The following ATP1A1 variants were observed in gnomAD, a reference collection of about 807,000 sequenced individuals.
The protein encoded by ATP1A1 is ATPase Na+/K+ transporting subunit alpha 1, also known as sodium/potassium-transporting ATPase subunit alpha-1.
A neutral mutation model predicts 114.8 loss-of-function variants in ATP1A1; 14 were observed. The ratio of observed to expected loss-of-function variants is 0.12; its 90% CI spans 0.08 to 0.19. The LOEUF is 0.19. ATP1A1 is among the 10% of genes least tolerant of loss of function. The pLI is 1.00. For missense variants in ATP1A1, 524 were observed against 1,290.7 expected (o/e 0.41, Z 9.10); for synonymous variants, 471 against 466.3 (o/e 1.01, Z -0.13).
rs778404664 is a variant in ATP1A1 at position 116,388,336 on chromosome 1, A to G, written c.501+92A>G. On this transcript the variant is annotated intron_variant, in intron 5 of 22. Coordinates refer to ENST00000295598, the MANE Select transcript of ATP1A1 (RefSeq NM_000701.8). The surrounding 1 kb of genome is among the most constrained non-coding windows in gnomAD (Gnocchi z 5.6). Reference sequence around the variant, plus strand: ...AGTGTGAAGTTAAGGTTTTCCAAGTATTACATGACTCATCAGAGAGATGGA... The same window carrying G: ...AGTGTGAAGTTAAGGTTTTCCAAGTGTTACATGACTCATCAGAGAGATGGA... 11 of 1,140,518 alleles carry G rather than the reference A, an allele frequency of 9.6e-6. No homozygotes were observed. The Admixed American group carries it at 2.2e-4, about 23-fold the overall frequency. The allele number at this position is 1,140,518 out of a possible 1,614,324, so 70.6% of individuals were successfully genotyped here.
Position 116,398,192 on chromosome 1 carries a change from G to A in ATP1A1, c.2124+154G>A, listed in dbSNP as rs972177024. The stretch of plus-strand genomic sequence containing the variant: ...AGTAGGAAGCTCATAGGCATAGAGA[G>A]GGTGACTTGTTAATGGTTTAGCAGT... On this transcript the variant is annotated intron_variant, in intron 15 of 22. Coordinates refer to ENST00000295598, the MANE Select transcript of ATP1A1 (RefSeq NM_000701.8). This position sits in a 1 kb window ranked among gnomAD's most constrained non-coding sequence, Gnocchi z 6.1. 3.3e-5 allele frequency among the ~76,000 whole-genome samples: 5 copies of A among 152,200 alleles called. No homozygotes were observed. The highest frequency in any genetic ancestry group is 1.2e-4 in the African/African-American group (5 of 41,446).
chr1:116,389,841 C>A lies in ATP1A1; in HGVS notation c.1023+134C>A. On this transcript the variant is annotated intron_variant, in intron 8 of 22. Coordinates refer to ENST00000295598, the MANE Select transcript of ATP1A1 (RefSeq NM_000701.8). This position sits in a 1 kb window ranked among gnomAD's most constrained non-coding sequence, Gnocchi z 6.9. ...TTGATATAGTTCTTCTTGAGAGCCA[C>A]ATCACGTGGTGAATTTTGACAGTGA... The A allele has an allele frequency of 1.5e-6, 2 of 1,291,802 alleles. No individual in the cohort carries two copies. Among genetic ancestry groups the A allele is most frequent in the Non-Finnish European group, 2.1e-6 (2 of 956,650 alleles). The allele number at this position is 1,291,802 out of a possible 1,614,324, so 80.0% of individuals were successfully genotyped here.
At position 116,404,271 on chromosome 1, in the gene ATP1A1, A is replaced by G; in HGVS notation, c.3044-145A>G. On this transcript the variant is annotated intron_variant, in intron 22 of 22. Coordinates refer to ENST00000295598, the MANE Select transcript of ATP1A1 (RefSeq NM_000701.8). The surrounding 1 kb of genome is among the most constrained non-coding windows in gnomAD (Gnocchi z 4.8). ...TGGTATTCCTAAAAACATGTAAATA[A>G]GTACAGTTGAGGTCCCATGTTTGGA... 1 of 984,346 alleles carries G rather than the reference A, an allele frequency of 1.0e-6. No homozygotes were observed. The highest frequency in any genetic ancestry group is 1.6e-6 in the Non-Finnish European group (1 of 642,782). The allele number at this position is 984,346 out of a possible 1,614,324, so 61.0% of individuals were successfully genotyped here. A position where few individuals can be genotyped will look rare whatever the true frequency, so the allele number is the denominator to read the frequency against.
chr1:116,389,113 C>T lies in ATP1A1; in HGVS notation c.754+94C>T. 1 of 1,209,514 alleles carries T rather than the reference C, an allele frequency of 8.3e-7. No homozygotes were observed. The highest frequency in any genetic ancestry group is 2.3e-5 in the East Asian group (1 of 43,012). 74.9% of individuals were successfully genotyped at this position (1,209,514 alleles called of 1,614,324 possible). ...TAGGCACAATCTCTTGTTTTATTGG[C>T]TCCATTTCTGAGAACTTGTGTCAAG... On this transcript the variant is annotated intron_variant, in intron 7 of 22. Transcript: ENST00000295598. This position sits in a 1 kb window ranked among gnomAD's most constrained non-coding sequence, Gnocchi z 6.9.
Position 116,398,935 on chromosome 1 carries a change from C to T in ATP1A1, c.2299C>T (p.Leu767=), listed in dbSNP as rs751282376. 6.2e-7 allele frequency: 1 copy of T among 1,614,070 alleles called. No individual in the cohort carries two copies. Among genetic ancestry groups the T allele is most frequent in the African/African-American group, 1.3e-5 (1 of 74,930 alleles). Residue 767 remains leucine, a synonymous_variant, in exon 17 of 23, where the codon CTG becomes TTG. Transcript: ENST00000295598. This position sits in a 1 kb window ranked among gnomAD's most constrained non-coding sequence, Gnocchi z 6.1. ...AAAAATCTTGGTTTTCATAGGTCGT[C>T]TGATCTTTGATAACTTGAAGAAATC... ...SIVTGVEEGR[L]IFDNLKKSIA...
rs1652812123 is a variant in ATP1A1, at chr1:116,395,258, G to A, written c.1809G>A (p.Val603=). 1 of 1,613,912 alleles carries A rather than the reference G, an allele frequency of 6.2e-7. No homozygotes were observed. ...CACGGGCGGCCGTTCCTGATGCCGT[G>A]GGCAAATGTCGAAGTGCTGGAATTA... ...DPPRAAVPDA[V]GKCRSAGIKV... The change falls in exon 13 of 23, where the codon GTG becomes GTA. Residue 603 remains valine, a synonymous_variant. Coordinates refer to ENST00000295598, the MANE Select transcript of ATP1A1 (RefSeq NM_000701.8). The surrounding 1 kb of genome is among the most constrained non-coding windows in gnomAD (Gnocchi z 6.4).
chr1:116,397,295 AGCTCT>A lies in ATP1A1; in HGVS notation c.1973+564_1973+568del, dbSNP rs142668920. Reference sequence around the variant, plus strand: ...TTAGAGGAGGGTTTGGTCTTGTATCAGCTCTGCCACTTTCTAAAACTTGGTTATAT... The same window carrying A: ...TTAGAGGAGGGTTTGGTCTTGTATCAGCCACTTTCTAAAACTTGGTTATAT... On this transcript the variant is annotated intron_variant, in intron 14 of 22. Coordinates refer to ENST00000295598, the MANE Select transcript of ATP1A1 (RefSeq NM_000701.8). This position sits in a 1 kb window ranked among gnomAD's most constrained non-coding sequence, Gnocchi z 4.2. Among the ~76,000 whole-genome samples, 202 of 152,288 alleles carry A rather than the reference AGCTCT, an allele frequency of 1.3e-3. 1 individual carries two copies. Among genetic ancestry groups the A allele is most frequent in the South Asian group, 4.2e-3 (20 of 4,818 alleles).
chr1:116,390,483 C>A, intron 9 of ATP1A1, 72 bp downstream of exon 9: 3 of 1,377,036 alleles, frequency 2.2e-6, no homozygotes, highest in Non-Finnish European at 3.0e-6. Context: ...TAAGAAATTG[C>A]ATGAAATTTC....
At position 116,397,763 on chromosome 1, in the gene ATP1A1, T is replaced by C; in HGVS notation, c.1974-125T>C. The C allele has an allele frequency of 1.6e-6, 2 of 1,220,122 alleles. No homozygotes were observed. Among genetic ancestry groups the C allele is most frequent in the Non-Finnish European group, 2.3e-6 (2 of 880,240 alleles). The allele number at this position is 1,220,122 out of a possible 1,614,324, so 75.6% of individuals were successfully genotyped here. The stretch of plus-strand genomic sequence containing the variant: ...TGAACACTTAATAGCTTTTATGTGC[T>C]GGGGAAAATTCCTTCTTTGTTTTGT... On this transcript the variant is annotated intron_variant, in intron 14 of 22. Transcript: ENST00000295598. This position sits in a 1 kb window ranked among gnomAD's most constrained non-coding sequence, Gnocchi z 4.2.
chr1:116,392,883 A>G lies in ATP1A1; in HGVS notation c.1362A>G (p.Ser454=), dbSNP rs755045434. ...CAGTTGCAGGAGATGCCTCTGAGTCAGCACTCTTAAAGTGCATAGAGCTGT... is the reference window on the plus strand; with the variant it reads ...CAGTTGCAGGAGATGCCTCTGAGTCGGCACTCTTAAAGTGCATAGAGCTGT... The part of the protein sequence containing the change: ...KRAVAGDASE[S]ALLKCIELCC... Residue 454 remains serine (S), a synonymous_variant, in exon 11 of 23, where the codon TCA becomes TCG. Coordinates refer to ENST00000295598, the MANE Select transcript of ATP1A1 (RefSeq NM_000701.8). The G allele has an allele frequency of 8.7e-6, 14 of 1,613,772 alleles. No homozygotes were observed. In the East Asian group the frequency reaches 3.1e-4, roughly 36 times the overall value.
Position 116,398,856 on chromosome 1 carries a change from A to G in ATP1A1, c.2293+67A>G. On this transcript the variant is annotated intron_variant, in intron 16 of 22. Coordinates refer to ENST00000295598, the MANE Select transcript of ATP1A1 (RefSeq NM_000701.8). This position sits in a 1 kb window ranked among gnomAD's most constrained non-coding sequence, Gnocchi z 6.1. ...ACTGCCCATTAGCATCCATTTCTGT[A>G]TACTTCTTGGATATGTTCAGTTTCC... 1 of 1,609,844 alleles carries G rather than the reference A, an allele frequency of 6.2e-7. No homozygotes were observed. The highest frequency in any genetic ancestry group is 8.5e-7 in the Non-Finnish European group (1 of 1,176,754).
In ATP1A1 at chr1:116,381,687, G is replaced by T. The variant is rs555597022; in HGVS notation, c.13-2327G>T. On this transcript the variant is annotated intron_variant, in intron 1 of 22. Transcript: ENST00000295598. The surrounding 1 kb of genome is among the most constrained non-coding windows in gnomAD (Gnocchi z 5.1). ...CAAGACATTTATTTTGTAAGTGGGG[G>T]TAAAACTTTGGAACGTGTTCAAAGC... is the stretch of plus-strand genomic sequence containing the variant. Among the ~76,000 whole-genome samples the T allele has an allele frequency of 1.3e-5, 2 of 152,280 alleles. No homozygotes were observed. Among genetic ancestry groups the T allele is most frequent in the East Asian group, 3.9e-4 (2 of 5,186 alleles).
In ATP1A1 at chr1:116,373,334, A is replaced by G. The variant is rs1242705597; in HGVS notation, c.-178A>G. The stretch of plus-strand genomic sequence containing the variant: ...TAGCAGCCCGGGCGGCGGCAGCAAC[A>G]GCGGCGGCGGCATCGGCCCGAGCCG... On this transcript the variant is annotated 5_prime_UTR_variant, in exon 1 of 23. Coordinates refer to ENST00000295598, the MANE Select transcript of ATP1A1 (RefSeq NM_000701.8). 1.9e-6 allele frequency: 1 copy of G among 534,590 alleles called. No homozygotes were observed. The highest frequency in any genetic ancestry group is 3.0e-6 in the Non-Finnish European group (1 of 337,926). 33.1% of individuals were successfully genotyped at this position (534,590 alleles called of 1,614,324 possible). A position where few individuals can be genotyped will look rare whatever the true frequency, so the allele number is the denominator to read the frequency against.
At chr1:116,390,587 T>C (rs1652388063) in intron 9 of ATP1A1, among the ~76,000 whole-genome samples, 176 bp downstream of exon 9, 1 of 151,764 alleles carries the variant, frequency 6.6e-6, no homozygotes, top group South Asian at 2.1e-4. Flanking sequence ...GGGATATTGA[T>C]TTTTTGCATG....
Position 116,389,519 on chromosome 1 carries a change from G to A in ATP1A1, c.835G>A (p.Gly279Arg). The change falls in exon 8 of 23, where the codon GGA (glycine) becomes AGA (arginine). Residue 279 changes from glycine to arginine, a missense_variant. Physicochemically the swap from Gly to Arg is moderately radical, Grantham distance 125. Around this residue, in one of 8 missense-constraint regions of ATP1A1, gnomAD observed 141 missense variants for 316.6 expected, o/e 0.45. Coordinates refer to ENST00000295598, the MANE Select transcript of ATP1A1 (RefSeq NM_000701.8). The surrounding 1 kb of genome is among the most constrained non-coding windows in gnomAD (Gnocchi z 6.9). ...TGCCACACTTGCTTCTGGGCTGGAA[G>A]GAGGCCAGACCCCCATTGCTGCAGA... ...RIATLASGLE[G>R]GQTPIAAEIE... The A allele has an allele frequency of 6.2e-7, 1 of 1,614,192 alleles. No individual in the cohort carries two copies. The highest frequency in any genetic ancestry group is 1.7e-5 in the Admixed American group (1 of 60,020).
chr1:116,373,389 G>A lies in ATP1A1; in HGVS notation c.-123G>A. On this transcript the variant is annotated 5_prime_UTR_variant, in exon 1 of 23. Transcript: ENST00000295598. ...CCGCCCTCCCACCCTCCCGCCCCGC[G>A]GCAGCCCTAGCTCCCTCCACTTGGC... The A allele has an allele frequency of 3.7e-6, 1 of 272,412 alleles. No homozygotes were observed. The allele number at this position is 272,412 out of a possible 1,614,324, so 16.9% of individuals were successfully genotyped here. A position where few individuals can be genotyped will look rare whatever the true frequency, so the allele number is the denominator to read the frequency against.
chr1:116,400,073 A>G (rs1287059408), intron 18 of ATP1A1, among the ~76,000 whole-genome samples: 3 of 152,256 alleles, frequency 2.0e-5, no homozygotes. Context: ...GGTGGTGGGC[A>G]ATCAGCATGC....
chr1:116,390,493 C>CTT (rs1388371496), intron 9 of ATP1A1, 82 bp downstream of exon 9: 166 of 870,468 alleles, frequency 1.9e-4, no homozygotes, highest in African/African-American at 7.4e-4. Context: ...CATGAAATTT[C>CTT]TTTTTTTTTT....
intron 1 of ATP1A1, among the ~76,000 whole-genome samples, chr1:116,379,668 TAGAA>T (rs1488059962): frequency 6.6e-6 from 1 of 152,224 alleles, no homozygotes; most frequent in Non-Finnish European, 1.5e-5. Context: ...AGAATTTTCA[TAGAA>T]AGCGAAAAAT....
Sources: allele counts gnomAD v4.1 joint callset (sites outside exome capture counted in the v4.1 genomes callset), GRCh38; gene constraint gnomAD v4.1.1; regional missense constraint gnomAD v4.1.1; non-coding constraint Gnocchi (gnomAD v3.1); transcripts MANE v1.5; gene names NCBI Gene and HGNC (gene_info 2026-07-23, HGNC 2026-07-21).